CCDC88A: variants seen among roughly 807,000 people sequenced by gnomAD.
CCDC88A encodes coiled-coil and HOOK domain protein 88A.
In CCDC88A, 54 loss-of-function variants were observed where a neutral mutation model predicts 234.3. The ratio of observed to expected loss-of-function variants is 0.23; its 90% confidence interval spans 0.19 to 0.29. The LOEUF (loss-of-function observed/expected upper bound fraction) is 0.29. Ranked by LOEUF, CCDC88A falls within the 10% of genes least tolerant of loss-of-function variation. The pLI is 1.00. For synonymous variants in CCDC88A, 753 were observed against 737.8 expected, an observed-to-expected ratio of 1.02 and a Z score of -0.33; for missense variants, 1,832 against 2,123.4, an observed-to-expected ratio of 0.86 and a Z score of 2.70.
intron 17 of CCDC88A, chr2:55,324,222 A>C (rs573050169): frequency 6.6e-6 from 1 of 152,336 alleles, no homozygotes; most frequent in South Asian, 2.1e-4. Context: ...AAGTTCCCAA[A>C]GATAATGTCA....
intron 22 of CCDC88A, chr2:55,313,617 T>C (rs2104611836): frequency 6.6e-6 from 1 of 151,760 alleles, no homozygotes; most frequent in Admixed American, 6.5e-5. Flanking sequence ...GCGTCCCTTG[T>C]AGAGTAGATT....
At chr2:55,349,817 A>G (rs1669643413) in intron 8 of CCDC88A, 2 of 440,922 alleles carry the variant, frequency 4.5e-6, no homozygotes, top group Admixed American at 4.1e-5. Context: ...CCAAAGGCTA[A>G]TGTTCTCATA....
intron 19 of CCDC88A, among the ~76,000 whole-genome samples, 193 bp from the exon 20 acceptor site, chr2:55,318,034 A>C (rs1054782062): frequency 1.3e-5 from 2 of 152,142 alleles, no homozygotes; most frequent in African/African-American, 4.8e-5. Context: ...TTGGAAGTGT[A>C]TATATACATA....
rs145865793 is a variant in CCDC88A at position 55,334,787 on chromosome 2, T to C, written c.2034A>G (p.Thr678=). ...LERENRKLKK[T]LDSFKNLTFQ... is the part of the protein sequence containing the mutation. ...AGGTCAGATTTTTAAAGCTATCCAA[T>C]GTTTTTTTTAATTTTCTATTTTCTC... Residue 678 remains threonine (T), a synonymous_variant, in exon 15 of 33, where the codon ACA becomes ACG. Coordinates refer to ENST00000436346, the MANE Select transcript of CCDC88A (RefSeq NM_001365480.1). This position sits in a 1 kb window ranked among gnomAD's most constrained non-coding sequence, Gnocchi z 6.1. The C allele has an allele frequency of 1.2e-4, 195 of 1,589,950 alleles. No homozygotes were observed. The highest frequency in any genetic ancestry group is 1.5e-4 in the Non-Finnish European group (180 of 1,171,354).
chr2:55,296,003 A>G lies in CCDC88A; in HGVS notation c.5145T>C (p.Ser1715=). 1.9e-6 allele frequency: 3 copies of G among 1,609,248 alleles called. No homozygotes were observed. Among genetic ancestry groups the G allele is most frequent in the Non-Finnish European group, 2.5e-6 (3 of 1,178,936 alleles). Reference sequence around the variant, plus strand: ...CTTTTCCCAAAAAGTCAGAAGAGACAGACAAACTTTTCATTACTTCATCTA... The same window carrying G: ...CTTTTCCCAAAAAGTCAGAAGAGACGGACAAACTTTTCATTACTTCATCTA... ...NLLDEVMKSL[S]VSSDFLGKDK... Residue 1715 remains serine, a synonymous_variant, in exon 31 of 33, where the codon TCT becomes TCC. Transcript: ENST00000436346.
chr2:55,322,489 TAAA>T (rs752221100), intron 18 of CCDC88A, 36 bp downstream of exon 18: 1 of 1,241,578 alleles, frequency 8.1e-7, no homozygotes, highest in Non-Finnish European at 1.1e-6. Flanking sequence ...CCTCTATTTC[TAAA>T]AAAAACTATT....
intron 2 of CCDC88A, among the ~76,000 whole-genome samples, chr2:55,409,413 TCTGTGCGAACA>T (rs1300878088): frequency 2.7e-4 from 41 of 152,332 alleles, no homozygotes; most frequent in African/African-American, 9.1e-4. Context: ...CACTTCCCTT[TCTGTGCGAACA>T]CTGTCTCAAG....
At position 55,344,474 on chromosome 2, in the gene CCDC88A, G is replaced by T; in HGVS notation, c.1082C>A (p.Thr361Asn). 6.4e-7 allele frequency: 1 copy of T among 1,572,530 alleles called. No homozygotes were observed. Among genetic ancestry groups the T allele is most frequent in the Admixed American group, 1.7e-5 (1 of 57,198 alleles). Reference sequence around the variant, plus strand: ...TCCCTCTAGTTGGTCTTCCAACATGGTTTTTGTTTCTAATAAAACTTGATT... The same window carrying T: ...TCCCTCTAGTTGGTCTTCCAACATGTTTTTTGTTTCTAATAAAACTTGATT... ...EDNQVLLETKTMLEDQLEGTR... is the reference protein window; with the variant it reads ...EDNQVLLETKNMLEDQLEGTR... Residue 361 changes from threonine to asparagine, a missense_variant, in exon 11 of 33, where the codon ACC (threonine) becomes AAC (asparagine). By Grantham distance (65) the Thr-to-Asn change is moderately conservative. Transcript: ENST00000436346.
intron 19 of CCDC88A, 79 bp downstream of exon 19, chr2:55,318,764 T>G (rs1233988464): frequency 1.7e-6 from 2 of 1,145,152 alleles, no homozygotes; most frequent in African/African-American, 3.1e-5. Flanking sequence ...AGAAACAATG[T>G]TTCCATGTTT....
At chr2:55,410,763 C>T (rs1306507446) in intron 2 of CCDC88A, among the ~76,000 whole-genome samples, 2 of 151,880 alleles carry the variant, frequency 1.3e-5, no homozygotes, top group Non-Finnish European at 2.9e-5. Flanking sequence ...ATTAGCTGGG[C>T]ATGGTAGTAG....
At chr2:55,383,933 A>G (rs1344791867) in intron 3 of CCDC88A, among the ~76,000 whole-genome samples, 1 of 152,192 alleles carries the variant, frequency 6.6e-6, no homozygotes, top group South Asian at 2.1e-4. Context: ...AAGACAATTT[A>G]AAGTATTGGT....
At chr2:55,380,945 C>T (rs1346286978) in intron 3 of CCDC88A, among the ~76,000 whole-genome samples, 1 of 152,158 alleles carries the variant, frequency 6.6e-6, no homozygotes, top group Non-Finnish European at 1.5e-5. Flanking sequence ...CCATCTAAAA[C>T]CCCTTTTTAT....
intron 2 of CCDC88A, among the ~76,000 whole-genome samples, chr2:55,397,542 C>T (rs1225005632): frequency 6.7e-6 from 1 of 149,710 alleles, no homozygotes; most frequent in Non-Finnish European, 1.5e-5. Context: ...AATCCAAATG[C>T]ATAATTTGGA....
intron 7 of CCDC88A, 127 bp downstream of exon 7, chr2:55,362,181 C>T (rs557134614): frequency 8.9e-6 from 6 of 670,716 alleles, no homozygotes; most frequent in Admixed American, 4.1e-5. Flanking sequence ...CTGTGTTCCA[C>T]ACAAAAAAAG....
chr2:55,337,337 T>C (rs967110156), intron 13 of CCDC88A: 5 of 152,070 alleles, frequency 3.3e-5, no homozygotes, highest in African/African-American at 7.2e-5. Context: ...ATATTTTAGG[T>C]TCAAATTTCT....
At chr2:55,313,800 T>C (rs1682631753) in intron 22 of CCDC88A, 1 of 152,158 alleles carries the variant, frequency 6.6e-6, no homozygotes, top group South Asian at 2.1e-4. Context: ...GGGAGAATTA[T>C]ACTATAATCA....
chr2:55,349,733 A>AG, intron 8 of CCDC88A, 134 bp from the exon 9 acceptor site: 3 of 499,040 alleles, frequency 6.0e-6, no homozygotes, highest in African/African-American at 2.0e-5. Flanking sequence ...AATCTAGAAG[A>AG]TAAAAAAAAA....
In CCDC88A at chr2:55,289,033, T is replaced by C. The variant is rs533571213; in HGVS notation, c.*2167A>G. On this transcript the variant is annotated 3_prime_UTR_variant, in exon 33 of 33. Coordinates refer to ENST00000436346, the MANE Select transcript of CCDC88A (RefSeq NM_001365480.1). ...ATTTTTGTAGTCTCAATGTGTTCCC[T>C]TGGTTGTCTCTTTAATTGTCCCTTC... is the stretch of plus-strand genomic sequence containing the variant. 2 of 152,790 alleles carry C rather than the reference T, an allele frequency of 1.3e-5. No individual in the cohort carries two copies. Among genetic ancestry groups the C allele is most frequent in the Admixed American group, 6.5e-5 (1 of 15,310 alleles). 9.5% of individuals were successfully genotyped at this position (152,790 alleles called of 1,614,324 possible).
At chr2:55,408,286 T>C (rs1679933687) in intron 2 of CCDC88A, among the ~76,000 whole-genome samples, 1 of 152,072 alleles carries the variant, frequency 6.6e-6, no homozygotes, top group Admixed American at 6.5e-5. Context: ...TAACCTACTC[T>C]TCCTTCATTC....
Sources: gnomAD v4.1 joint callset for allele counts (sites outside exome capture counted in the v4.1 genomes callset) on GRCh38, gnomAD v4.1.1 for gene constraint, Gnocchi (gnomAD v3.1) non-coding constraint, MANE v1.5 for transcripts, NCBI Gene and HGNC (gene_info 2026-07-23, HGNC 2026-07-21) for gene names.